PTPRO: variants seen among roughly 807,000 people sequenced by gnomAD.
PTPRO encodes receptor-type tyrosine-protein phosphatase O.
In PTPRO, 62 loss-of-function variants were observed where a neutral mutation model predicts 145.2. The ratio of observed to expected loss-of-function variants is 0.43; its 90% CI spans 0.35 to 0.53. The LOEUF (loss-of-function observed/expected upper bound fraction) is 0.53, where lower values mean the gene tolerates loss of function less well. PTPRO is among the 20% of genes least tolerant of loss of function. PTPRO has a pLI of 0.01. For synonymous variants in PTPRO, 565 were observed against 514.7 expected (o/e 1.10, Z -1.32); for missense variants, 1,345 against 1,482.7 (o/e 0.91, Z 1.53).
rs528885825 is a variant in PTPRO at position 15,585,553 on chromosome 12, C to A, written c.3256-1344C>A. 2.9e-4 allele frequency among the ~76,000 whole-genome samples: 44 copies of A among 152,278 alleles called. 1 individual carries two copies. The South Asian group carries it at 5.4e-3, about 19-fold the overall frequency. ...AACAAATCTTACATATTTATTTATACATTTTATTTATGAATTGTCTTTATA... is the reference window on the plus strand; with the variant it reads ...AACAAATCTTACATATTTATTTATAAATTTTATTTATGAATTGTCTTTATA... On this transcript the variant is annotated intron_variant, in intron 23 of 26. Transcript: ENST00000281171.
At chr12:15,439,623 A>G (rs1239682293) in intron 1 of PTPRO, 3 of 309,002 alleles carry the variant, frequency 9.7e-6, no homozygotes, top group East Asian at 9.2e-5. Context: ...TGGCAGTGGC[A>G]TCTGGGCTGT....
At chr12:15,533,624 A>G (rs1943006658) in intron 12 of PTPRO, among the ~76,000 whole-genome samples, 1 of 152,190 alleles carries the variant, frequency 6.6e-6, no homozygotes, top group Non-Finnish European at 1.5e-5. Context: ...ATCTTGCTTT[A>G]GTAGTACCTG....
intron 1 of PTPRO, among the ~76,000 whole-genome samples, chr12:15,412,154 G>A (rs1939818727): frequency 6.7e-6 from 1 of 148,644 alleles, no homozygotes; most frequent in Admixed American, 6.6e-5. Context: ...AATTTTCTGG[G>A]AAGAAAAGCA....
chr12:15,529,916 G>A (rs1457312668), intron 12 of PTPRO, among the ~76,000 whole-genome samples: 2 of 152,154 alleles, frequency 1.3e-5, no homozygotes, highest in African/African-American at 4.8e-5. Flanking sequence ...TCAATTAAAA[G>A]TCACAGTGTG....
At chr12:15,442,652 A>G (rs1341479197) in intron 1 of PTPRO, among the ~76,000 whole-genome samples, 5 of 152,188 alleles carry the variant, frequency 3.3e-5, no homozygotes, top group African/African-American at 1.2e-4. Context: ...AAGTTTCAGG[A>G]TACAAAATCA....
intron 1 of PTPRO, among the ~76,000 whole-genome samples, chr12:15,358,752 A>T (rs183970882): frequency 9.3e-4 from 142 of 152,346 alleles, no homozygotes; most frequent in African/African-American, 3.3e-3. Flanking sequence ...CTGTTATTTA[A>T]TGTAACAGAT....
At chr12:15,444,710 GA>G (rs952016394) in intron 1 of PTPRO, among the ~76,000 whole-genome samples, 19 of 151,992 alleles carry the variant, frequency 1.3e-4, no homozygotes, top group African/African-American at 4.6e-4. Context: ...CCCACCATGT[GA>G]TGACACAGCA....
At chr12:15,437,589 T>G (rs1017799416) in intron 1 of PTPRO, among the ~76,000 whole-genome samples, 1 of 152,080 alleles carries the variant, frequency 6.6e-6, no homozygotes. Flanking sequence ...TCTCCAGGCA[T>G]TTAGAATACC....
rs563018271 is a variant in PTPRO, at chr12:15,493,389, G to T, written c.350-3856G>T. Among the ~76,000 whole-genome samples, 5 of 152,176 alleles carry T rather than the reference G, an allele frequency of 3.3e-5. No individual in the cohort carries two copies. In the South Asian group the frequency reaches 6.2e-4, roughly 19 times the overall value. ...AGCAAGAAAAAAGGTGAATCTAGAG[G>T]AAAGTCCAGGACACAATTTTAAAAA... On this transcript the variant is annotated intron_variant, in intron 2 of 26. Transcript: ENST00000281171.
intron 1 of PTPRO, among the ~76,000 whole-genome samples, chr12:15,460,236 T>C (rs1941271676): frequency 6.6e-6 from 1 of 152,182 alleles, no homozygotes; most frequent in Non-Finnish European, 1.5e-5. Flanking sequence ...AACTAAGGCC[T>C]TGCTACCAGC....
rs752776181 is a variant in PTPRO, at chr12:15,440,012, C to G, written c.76-43962C>G. ...CATCCTGGCCAAGCTCTCCATTGTC[C>G]CTGTGTGCAGAGGCTACAGGGGTAA... On this transcript the variant is annotated intron_variant, in intron 1 of 26. Transcript: ENST00000281171. The G allele has an allele frequency of 4.5e-4, 304 of 678,524 alleles. 1 individual carries two copies. In the Middle Eastern group the frequency reaches 9.3e-3, roughly 21 times the overall value. The allele number at this position is 678,524 out of a possible 1,614,324, so 42.0% of individuals were successfully genotyped here. A position where few individuals can be genotyped will look rare whatever the true frequency, so the allele number is the denominator to read the frequency against.
At chr12:15,434,398 A>C (rs1404700532) in intron 1 of PTPRO, among the ~76,000 whole-genome samples, 2 of 152,200 alleles carry the variant, frequency 1.3e-5, no homozygotes, top group African/African-American at 4.8e-5. Flanking sequence ...CATATAAGTA[A>C]AGGTAAAGAC....
chr12:15,470,134 TCA>T (rs1367183042), intron 1 of PTPRO, among the ~76,000 whole-genome samples: 2 of 152,198 alleles, frequency 1.3e-5, no homozygotes, highest in African/African-American at 4.8e-5. Context: ...AAGAAGTCAG[TCA>T]CAGTTTGTGC....
intron 2 of PTPRO, among the ~76,000 whole-genome samples, chr12:15,494,824 A>C (rs1942068717): frequency 1.3e-5 from 2 of 152,208 alleles, no homozygotes; most frequent in Admixed American, 1.3e-4. Context: ...TTCTCTTTTC[A>C]GTAGAAGAAA....
chr12:15,343,859 AT>A (rs1175097943), intron 1 of PTPRO, among the ~76,000 whole-genome samples: 1 of 151,858 alleles, frequency 6.6e-6, no homozygotes, highest in Non-Finnish European at 1.5e-5. Flanking sequence ...AATTTTTTGT[AT>A]TTTTTAGTAG....
intron 25 of PTPRO, among the ~76,000 whole-genome samples, chr12:15,593,809 A>G (rs1944601891): frequency 6.6e-6 from 1 of 152,206 alleles, no homozygotes; most frequent in Non-Finnish European, 1.5e-5. Flanking sequence ...ACTTGTCATC[A>G]TTAAATATTA....
At chr12:15,324,478 T>C (rs1299093704) in intron 1 of PTPRO, among the ~76,000 whole-genome samples, 4 of 152,188 alleles carry the variant, frequency 2.6e-5, no homozygotes, top group Non-Finnish European at 4.4e-5. Context: ...AATGAAAATG[T>C]TAGTGATTGT....
At chr12:15,378,981 A>T (rs1268346539) in intron 1 of PTPRO, among the ~76,000 whole-genome samples, 1 of 152,174 alleles carries the variant, frequency 6.6e-6, no homozygotes, top group Non-Finnish European at 1.5e-5. Context: ...AATGAGATAC[A>T]ACTTTATACC....
chr12:15,486,762 A>G (rs1941896558), intron 2 of PTPRO, among the ~76,000 whole-genome samples: 1 of 151,850 alleles, frequency 6.6e-6, no homozygotes, highest in African/African-American at 2.4e-5. Flanking sequence ...ATCGCTCAAT[A>G]GCCATATGTA....
Sources: gnomAD v4.1 joint callset for allele counts (sites outside exome capture counted in the v4.1 genomes callset) on GRCh38, gnomAD v4.1.1 for gene constraint, MANE v1.5 for transcripts, NCBI Gene and HGNC (gene_info 2026-07-23, HGNC 2026-07-21) for gene names.